The following BBS9 variants were observed in gnomAD, a reference collection of about 807,000 sequenced individuals.
BBS9 encodes Bardet-Biedl syndrome 9.
In BBS9, 89 loss-of-function variants were observed where a neutral mutation model predicts 117.7. The ratio of observed to expected loss-of-function variants is 0.76; its 90% CI spans 0.64 to 0.90. The LOEUF (loss-of-function observed/expected upper bound fraction) is 0.90. Ranked by LOEUF, BBS9 falls within the 40% of genes least tolerant of loss-of-function variation. The pLI, the probability that BBS9 is intolerant of heterozygous loss-of-function variation, is 0.00. For synonymous variants in BBS9, 379 were observed against 370.9 expected (o/e 1.02, Z -0.25); for missense variants, 982 against 1,042.2 (o/e 0.94, Z 0.80).
At chr7:33,155,497 A>C in intron 3 of BBS9, 141 bp from the exon 4 acceptor site, 1 of 606,508 alleles carries the variant, frequency 1.6e-6, no homozygotes, top group Non-Finnish European at 2.9e-6. Context: ...TTTATTTTTC[A>C]GTTTAGAATG....
intron 21 of BBS9, among the ~76,000 whole-genome samples, chr7:33,549,001 G>A (rs1173320798): frequency 6.6e-6 from 1 of 150,984 alleles, no homozygotes; most frequent in Non-Finnish European, 1.5e-5. Flanking sequence ...AAAGCTGGAG[G>A]CATCACACTA....
intron 9 of BBS9, among the ~76,000 whole-genome samples, chr7:33,302,258 C>T (rs1806630587): frequency 6.6e-6 from 1 of 152,136 alleles, no homozygotes; most frequent in Non-Finnish European, 1.5e-5. Flanking sequence ...GTTTCCTTCA[C>T]TGTACAGAAG....
intron 9 of BBS9, among the ~76,000 whole-genome samples, chr7:33,334,116 C>T (rs1226663824): frequency 6.6e-6 from 1 of 152,172 alleles, no homozygotes; most frequent in Admixed American, 6.5e-5. Flanking sequence ...ATTATCCAAA[C>T]TCTTCCTATT....
intron 9 of BBS9, among the ~76,000 whole-genome samples, chr7:33,294,789 T>C (rs1804919958): frequency 6.6e-6 from 1 of 152,224 alleles, no homozygotes; most frequent in Middle Eastern, 3.2e-3. Context: ...GAAATTCAAA[T>C]GGTTGCTTTT....
chr7:33,317,502 A>G (rs576893209), intron 9 of BBS9, among the ~76,000 whole-genome samples: 6 of 152,082 alleles, frequency 3.9e-5, no homozygotes, highest in East Asian at 3.9e-4. Context: ...TTTTTAAAGC[A>G]TATTTCTGTT....
chr7:33,341,292 G>T (rs534272387), intron 11 of BBS9, among the ~76,000 whole-genome samples: 2 of 152,026 alleles, frequency 1.3e-5, no homozygotes, highest in African/African-American at 2.4e-5. Context: ...TAGCATTGAC[G>T]TAATACTAAT....
chr7:33,395,236 T>C (rs1170585866), intron 19 of BBS9, among the ~76,000 whole-genome samples: 3 of 152,334 alleles, frequency 2.0e-5, no homozygotes, highest in Non-Finnish European at 2.9e-5. Flanking sequence ...AGGACTTTTT[T>C]TGGGTGTGTG....
chr7:33,329,589 C>A (rs1813564259), intron 9 of BBS9, among the ~76,000 whole-genome samples: 1 of 148,892 alleles, frequency 6.7e-6, no homozygotes, highest in Non-Finnish European at 1.5e-5. Context: ...AATATTCCCC[C>A]CCTATCATTT....
At chr7:33,256,697 T>G (rs978700823) in intron 5 of BBS9, among the ~76,000 whole-genome samples, 2 of 152,168 alleles carry the variant, frequency 1.3e-5, no homozygotes, top group African/African-American at 4.8e-5. Flanking sequence ...ACTTACTGTA[T>G]ATGGTGTATG....
In BBS9 at chr7:33,146,139, G is replaced by C. The variant is rs1792305173; in HGVS notation, c.-11-103G>C. On this transcript the variant is annotated intron_variant, in intron 1 of 22. Transcript: ENST00000242067. ...TACAAAATATTAAAAAGTTAATATA[G>C]AAATGTCCTTCTCAGATCTGTCCAA... 4 of 775,484 alleles carry C rather than the reference G, an allele frequency of 5.2e-6. No homozygotes were observed. In the South Asian group the frequency reaches 6.0e-5, roughly 12 times the overall value. The allele number at this position is 775,484 out of a possible 1,614,324, so 48.0% of individuals were successfully genotyped here.
chr7:33,346,352 ATC>A (rs1817590494), intron 12 of BBS9: 2 of 429,350 alleles, frequency 4.7e-6, no homozygotes, highest in African/African-American at 4.1e-5. Context: ...ATGCGTGACC[ATC>A]TATTCCAGGC....
rs1853134357 is a variant in BBS9, at chr7:33,545,356, G to A, written c.2521+11180G>A. 3.9e-5 allele frequency among the ~76,000 whole-genome samples: 6 copies of A among 152,092 alleles called. 1 individual carries two copies. In the South Asian group the frequency reaches 1.0e-3, roughly 26 times the overall value. ...TGCCAGGCAGAAATGGGCTACTTGG[G>A]GACCCAGTGAGCTCCTAGGGCCTTT... On this transcript the variant is annotated intron_variant, in intron 21 of 22. Transcript: ENST00000242067.
chr7:33,241,269 A>G (rs1794480856), intron 5 of BBS9, among the ~76,000 whole-genome samples: 1 of 152,174 alleles, frequency 6.6e-6, no homozygotes, highest in Non-Finnish European at 1.5e-5. Flanking sequence ...TATTTTTCCT[A>G]CACAATATAT....
chr7:33,152,606 T>C, intron 2 of BBS9, 95 bp from the exon 3 acceptor site: 1 of 1,205,624 alleles, frequency 8.3e-7, no homozygotes, highest in Non-Finnish European at 1.2e-6. Flanking sequence ...TTTTAATTTT[T>C]AGATTTCTCT....
intron 9 of BBS9, among the ~76,000 whole-genome samples, chr7:33,274,659 G>A (rs1800402752): frequency 6.6e-6 from 1 of 152,110 alleles, no homozygotes; most frequent in Non-Finnish European, 1.5e-5. Context: ...ATTCTCAGAT[G>A]TATTCAGTTC....
chr7:33,168,274 T>A (rs1795996353), intron 4 of BBS9, among the ~76,000 whole-genome samples: 2 of 152,128 alleles, frequency 1.3e-5, no homozygotes, highest in Admixed American at 6.5e-5. Context: ...CAAGATAGGA[T>A]CACAGGTCAC....
At chr7:33,345,835 A>T (rs1185612259) in intron 12 of BBS9, among the ~76,000 whole-genome samples, 1 of 152,208 alleles carries the variant, frequency 6.6e-6, no homozygotes, top group African/African-American at 2.4e-5. Context: ...GTGCACTGTT[A>T]ATTGCAATAA....
chr7:33,411,011 G>GTTTTTTTTTTTTTTTTTTTTTT (rs765425062), intron 19 of BBS9, among the ~76,000 whole-genome samples: 1 of 96,432 alleles, frequency 1.0e-5, no homozygotes, highest in African/African-American at 3.4e-5. Flanking sequence ...AAATGTTGGT[G>GTTTTTTTTTTTTTTTTTTTTTT]TTTTTTTTTT....
intron 19 of BBS9, among the ~76,000 whole-genome samples, chr7:33,450,979 C>A (rs1426095630): frequency 1.3e-5 from 2 of 151,862 alleles, no homozygotes; most frequent in African/African-American, 4.8e-5. Context: ...AGCTCCGCCT[C>A]CTGGGTTCAT....
Sources: allele counts gnomAD v4.1 joint callset (sites outside exome capture counted in the v4.1 genomes callset), GRCh38; gene constraint gnomAD v4.1.1; transcripts MANE v1.5; gene names NCBI Gene and HGNC (gene_info 2026-07-23, HGNC 2026-07-21).